Variants in PKD1L1 observed in about 807,000 individuals in gnomAD.
PKD1L1 encodes polycystin 1 like 1, transient receptor potential channel interacting, also known as polycystin-1-like protein 1.
A neutral mutation model predicts 323.4 loss-of-function variants in PKD1L1; 236 were observed. That is an observed-to-expected ratio of 0.73 (90% CI 0.66 to 0.81). The LOEUF is 0.81. Among genes scored for constraint, PKD1L1 ranks in the 40% least tolerant of loss-of-function variants. The pLI is 0.00. For missense variants in PKD1L1, 3,320 were observed against 3,508.0 expected (o/e 0.95, Z 1.35); for synonymous variants, 1,344 against 1,335.0 (o/e 1.01, Z -0.15).
At chr7:47,934,022 CCT>C (rs1787821218) in intron 4 of PKD1L1, among the ~76,000 whole-genome samples, 1 of 152,166 alleles carries the variant, frequency 6.6e-6, no homozygotes, top group South Asian at 2.1e-4. Context: ...GTTCATTAAC[CCT>C]TTCTCCTATC....
At chr7:47,792,829 A>T (rs779597831) in intron 55 of PKD1L1, 32 bp from the exon 56 acceptor site, 1 of 1,574,474 alleles carries the variant, frequency 6.4e-7, no homozygotes, top group East Asian at 2.2e-5. Context: ...TAGTAAATGC[A>T]TTCAAGAATC....
At chr7:47,919,719 A>G (rs1416805330) in intron 7 of PKD1L1, among the ~76,000 whole-genome samples, 2 of 152,200 alleles carry the variant, frequency 1.3e-5, no homozygotes, top group African/African-American at 4.8e-5. Flanking sequence ...AACATACTCA[A>G]GTCAATAAAT....
chr7:47,958,496 A>G, the PKD1L1 span, among the ~76,000 whole-genome samples: 9 of 152,250 alleles, frequency 5.9e-5, no homozygotes, highest in African/African-American at 1.9e-4. Context: ...GCTAGAGGAA[A>G]CACAGGAGAA....
At position 47,929,447 on chromosome 7, in the gene PKD1L1, G is replaced by C; in HGVS notation, c.817C>G (p.Pro273Ala). The change falls in exon 7 of 57, where the codon CCT becomes GCT. Residue 273 changes from proline to alanine, a missense_variant. Transcript: ENST00000289672. Reference protein sequence around the residue: ...SQSGSEILYPPTQHPPVAILA... With the variant: ...SQSGSEILYPATQHPPVAILA... ...ATGGCCACAGGAGGATGCTGAGTAG[G>C]GGGATAGAGGATCTCAGAACCAGAC... 1.2e-6 allele frequency: 2 copies of C among 1,614,102 alleles called. No individual in the cohort carries two copies. The highest frequency in any genetic ancestry group is 1.7e-6 in the Non-Finnish European group (2 of 1,179,938).
chr7:47,950,856 G>T (rs562692648), upstream of PKD1L1, among the ~76,000 whole-genome samples: 53 of 152,236 alleles, frequency 3.5e-4, no homozygotes, highest in South Asian at 6.2e-4. Flanking sequence ...GCCTTTTTCC[G>T]GGCAGTGCGG....
chr7:47,920,182 A>G lies in PKD1L1; in HGVS notation c.1061-4583T>C, dbSNP rs771603246. On this transcript the variant is annotated intron_variant, in intron 7 of 56. Transcript: ENST00000289672. ...CAGCTAAGTTTCTGGATACAAAACT[A>G]ATGTACACAATCAGTAGGTCTTCTA... Among the ~76,000 whole-genome samples, 5 of 152,256 alleles carry G rather than the reference A, an allele frequency of 3.3e-5. No homozygotes were observed. In the South Asian group the frequency reaches 6.2e-4, roughly 19 times the overall value.
chr7:47,938,928 T>C (rs1177823981), intron 3 of PKD1L1, among the ~76,000 whole-genome samples: 1 of 152,222 alleles, frequency 6.6e-6, no homozygotes. Context: ...TAGGTGATTC[T>C]GCATAGCAGA....
chr7:47,781,906 C>T (rs1421076428), intron 56 of PKD1L1, among the ~76,000 whole-genome samples: 1 of 152,152 alleles, frequency 6.6e-6, no homozygotes, highest in Non-Finnish European at 1.5e-5. Context: ...GCATCGGTAA[C>T]ATTGTCAAAA....
At chr7:47,912,831 A>G (rs1444085496) in intron 8 of PKD1L1, among the ~76,000 whole-genome samples, 1 of 151,556 alleles carries the variant, frequency 6.6e-6, no homozygotes, top group Admixed American at 6.6e-5. Flanking sequence ...AAAAAAAAAA[A>G]AAAAAAAGAA....
At position 47,936,906 on chromosome 7, in the gene PKD1L1, G is replaced by A. The variant is rs750144756; in HGVS notation, c.338C>T (p.Thr113Ile). ...EAALSVVNEK[T>I]QAVVNEKTQA... ...TGTTTTTTCATTAACAACAGCCTGT[G>A]TTTTTTCATTAACAACACTTAACGC... Residue 113 changes from threonine to isoleucine, a missense_variant, in exon 4 of 57, where the codon ACA becomes ATA. Coordinates refer to ENST00000289672, the MANE Select transcript of PKD1L1 (RefSeq NM_138295.5). 6 of 1,613,938 alleles carry A rather than the reference G, an allele frequency of 3.7e-6. No homozygotes were observed. In the Admixed American group the frequency reaches 1.0e-4, roughly 27 times the overall value.
At chr7:47,798,521 G>A (rs113705321) in intron 54 of PKD1L1, among the ~76,000 whole-genome samples, 2,343 of 152,214 alleles carry the variant, frequency 0.015, 71 homozygotes, top group African/African-American at 0.054. Flanking sequence ...ACTTTGGGAG[G>A]CTGAGGCGGG....
intron 14 of PKD1L1, among the ~76,000 whole-genome samples, chr7:47,896,807 C>A (rs962939298): frequency 1.3e-5 from 2 of 152,118 alleles, no homozygotes; most frequent in Non-Finnish European, 2.9e-5. Flanking sequence ...CCCACCACCC[C>A]GAGGTCCCCT....
intron 26 of PKD1L1, among the ~76,000 whole-genome samples, chr7:47,864,102 AG>A (rs2128743382): frequency 6.6e-6 from 1 of 152,260 alleles, no homozygotes; most frequent in African/African-American, 2.4e-5. Context: ...ACTCTGGAGA[AG>A]GCAAGGTGGG....
intron 14 of PKD1L1, 51 bp from the exon 15 acceptor site, chr7:47,894,110 C>G: frequency 6.8e-7 from 1 of 1,474,046 alleles, no homozygotes; most frequent in Non-Finnish European, 9.1e-7. Context: ...AAGGCAGGGA[C>G]TCACTGGAGA....
At chr7:47,922,060 G>C (rs905734034) in intron 7 of PKD1L1, among the ~76,000 whole-genome samples, 3 of 152,318 alleles carry the variant, frequency 2.0e-5, no homozygotes, top group East Asian at 1.9e-4. Flanking sequence ...TTGCAGGCAC[G>C]TGCTGCCACG....
rs866100440 is a variant in PKD1L1 at position 47,946,099 on chromosome 7, C to A, written c.44+2298G>T. The stretch of plus-strand genomic sequence containing the variant: ...TTGTGAGGAGGCAGGTCCCCAGGCC[C>A]TGGCACAGAATCAGCACCATTTTCA... On this transcript the variant is annotated intron_variant, in intron 1 of 56. Coordinates refer to ENST00000289672, the MANE Select transcript of PKD1L1 (RefSeq NM_138295.5). This position sits in a 1 kb window ranked among gnomAD's most constrained non-coding sequence, Gnocchi z 4.1. 6.6e-6 allele frequency among the ~76,000 whole-genome samples: 1 copy of A among 152,154 alleles called. No individual in the cohort carries two copies. Among genetic ancestry groups the A allele is most frequent in the Non-Finnish European group, 1.5e-5 (1 of 68,034 alleles).
intron 50 of PKD1L1, among the ~76,000 whole-genome samples, chr7:47,810,739 C>T (rs1784875479): frequency 6.6e-6 from 1 of 152,180 alleles, no homozygotes; most frequent in African/African-American, 2.4e-5. Flanking sequence ...GGAAAGTTCC[C>T]AAGGAATAAC....
chr7:47,907,113 A>G (rs957198994), intron 9 of PKD1L1, among the ~76,000 whole-genome samples: 2 of 152,208 alleles, frequency 1.3e-5, no homozygotes, highest in Non-Finnish European at 2.9e-5. Flanking sequence ...TAGTTAGGGT[A>G]GGCAAACAGG....
rs542461581 is a variant in PKD1L1, at chr7:47,929,463, A to G, written c.801T>C (p.Ser267=). 150 of 1,614,112 alleles carry G rather than the reference A, an allele frequency of 9.3e-5. 2 individuals carry two copies. The South Asian group carries it at 1.6e-3, about 17-fold the overall frequency. The part of the protein sequence containing the change: ...TPSFTASQSG[S]EILYPPTQHP... ...GCTGAGTAGGGGGATAGAGGATCTC[A>G]GAACCAGACTGCGATGCCGTGAAGC... Residue 267 remains serine (S), a synonymous_variant, in exon 7 of 57, where the codon TCT becomes TCC. Coordinates refer to ENST00000289672, the MANE Select transcript of PKD1L1 (RefSeq NM_138295.5).
Sources: gnomAD v4.1 joint callset for allele counts (sites outside exome capture counted in the v4.1 genomes callset) on GRCh38, gnomAD v4.1.1 for gene constraint, Gnocchi (gnomAD v3.1) non-coding constraint, MANE v1.5 for transcripts, NCBI Gene and HGNC (gene_info 2026-07-23, HGNC 2026-07-21) for gene names.